The following UQCC2 variants were observed in gnomAD, a reference collection of about 807,000 sequenced individuals.
UQCC2 encodes the protein breast cancer-associated protein SGA-81M.
UQCC2 carries 21 observed loss-of-function variants against 19.9 expected under a neutral mutation model. That is an observed-to-expected ratio of 1.05 (90% CI 0.75 to 1.52). The LOEUF (loss-of-function observed/expected upper bound fraction) is 1.52. Among genes scored for constraint, UQCC2 ranks in the 40% most tolerant of loss-of-function variants. UQCC2 has a pLI of 0.00. For missense variants in UQCC2, 135 were observed against 157.5 expected (o/e 0.86, Z 0.76); for synonymous variants, 57 against 60.9 (o/e 0.94, Z 0.30).
rs567019789 is a variant in UQCC2 at position 33,711,406 on chromosome 6, T to G, written c.138+143A>C. ...ACGGGCGTCGCTATCAGTAGCTCCC[T>G]GGGGGAAAAAGGGGGTCCGCGCTCA... On this transcript the variant is annotated intron_variant, in intron 1 of 3. Transcript: ENST00000607484. The G allele has an allele frequency of 1.6e-5, 20 of 1,243,758 alleles. 1 individual carries two copies. Among genetic ancestry groups the G allele is most frequent in the East Asian group, 8.1e-5 (3 of 37,048 alleles). The allele number at this position is 1,243,758 out of a possible 1,614,324, so 77.0% of individuals were successfully genotyped here. A position where few individuals can be genotyped will look rare whatever the true frequency, so the allele number is the denominator to read the frequency against.
Position 33,702,472 on chromosome 6 carries a change from C to T in UQCC2, c.139-1052G>A, listed in dbSNP as rs186854351. Among the ~76,000 whole-genome samples the T allele has an allele frequency of 2.7e-3, 410 of 152,254 alleles. 2 individuals are homozygous for T. The highest frequency in any genetic ancestry group is 5.1e-3 in the Non-Finnish European group (344 of 68,024). On this transcript the variant is annotated intron_variant, in intron 1 of 3. Coordinates refer to ENST00000607484, the MANE Select transcript of UQCC2 (RefSeq NM_032340.4). ...AAACTGAGGAGAACCAAGCCAGGAC[C>T]ACAGTTAGGTCCTGCTAGAAAGGAG...
rs1765774659 is a variant in UQCC2, at chr6:33,711,653, G to A, written c.34C>T (p.Leu12Phe). The A allele has an allele frequency of 1.2e-6, 2 of 1,613,352 alleles. No homozygotes were observed. The highest frequency in any genetic ancestry group is 1.7e-6 in the Non-Finnish European group (2 of 1,179,794). The part of the protein sequence containing the change: ...AASRYRRFLK[L>F]CEEWPVDETK... ...TCGTCCACTGGCCATTCCTCACAGAGCTTAAGAAAACGCCGGTACCGGCTG... is the reference window on the plus strand; with the variant it reads ...TCGTCCACTGGCCATTCCTCACAGAACTTAAGAAAACGCCGGTACCGGCTG... Residue 12 changes from leucine to phenylalanine, a missense_variant, in exon 1 of 4, where the codon CTC becomes TTC. Leu to Phe is a conservative substitution (Grantham distance 22). Coordinates refer to ENST00000607484, the MANE Select transcript of UQCC2 (RefSeq NM_032340.4).
At chr6:33,707,913 AGTTACAT>A (rs1317490368) in intron 1 of UQCC2, among the ~76,000 whole-genome samples, 1 of 152,222 alleles carries the variant, frequency 6.6e-6, no homozygotes, top group African/African-American at 2.4e-5. Context: ...GTGTAAGAGG[AGTTACAT>A]GTGTTCCCGC....
chr6:33,699,515 C>T (rs1182508830), intron 3 of UQCC2, among the ~76,000 whole-genome samples: 1 of 151,970 alleles, frequency 6.6e-6, no homozygotes, highest in African/African-American at 2.4e-5. Flanking sequence ...TTACACGGAC[C>T]CAGGGATATA....
intron 3 of UQCC2, 83 bp downstream of exon 3, chr6:33,700,361 G>A (rs1765624662): frequency 1.3e-6 from 2 of 1,484,718 alleles, no homozygotes; most frequent in South Asian, 1.1e-5. Flanking sequence ...AAGCAAAACT[G>A]TCTTCTTAGA....
chr6:33,704,058 C>T lies in UQCC2; in HGVS notation c.139-2638G>A, dbSNP rs1419769412. On this transcript the variant is annotated intron_variant, in intron 1 of 3. Coordinates refer to ENST00000607484, the MANE Select transcript of UQCC2 (RefSeq NM_032340.4). ...AATATAATAATAGCCCCTACGTCCC[C>T]GGTGGTGTGAGGATAAATGAGGTGA... Among the ~76,000 whole-genome samples, 10 of 152,288 alleles carry T rather than the reference C, an allele frequency of 6.6e-5. No homozygotes were observed. The South Asian group carries it at 8.3e-4, about 13-fold the overall frequency.
intron 1 of UQCC2, among the ~76,000 whole-genome samples, chr6:33,708,263 G>T (rs1356660814): frequency 6.6e-6 from 1 of 152,196 alleles, no homozygotes; most frequent in Non-Finnish European, 1.5e-5. Context: ...ATAAGAGGTT[G>T]TTCTAACAAT....
chr6:33,700,398 G>C lies in UQCC2; in HGVS notation c.283+46C>G, dbSNP rs1007499283. 6 of 1,598,338 alleles carry C rather than the reference G, an allele frequency of 3.8e-6. No homozygotes were observed. The East Asian group carries it at 1.3e-4, about 36-fold the overall frequency. On this transcript the variant is annotated intron_variant, in intron 3 of 3. Coordinates refer to ENST00000607484, the MANE Select transcript of UQCC2 (RefSeq NM_032340.4). Reference sequence around the variant, plus strand: ...AATTCCCCTTGGCCACTCAAACTCAGAATCATTTGCAAACCAATGAGAAAA... The same window carrying C: ...AATTCCCCTTGGCCACTCAAACTCACAATCATTTGCAAACCAATGAGAAAA...
intron 1 of UQCC2, among the ~76,000 whole-genome samples, chr6:33,709,092 T>C (rs1185015006): frequency 6.6e-6 from 1 of 152,204 alleles, no homozygotes; most frequent in Non-Finnish European, 1.5e-5. Context: ...CTTTCCTCCT[T>C]TGCTGGCTCC....
intron 2 of UQCC2, 32 bp from the exon 3 acceptor site, chr6:33,700,545 AGG>A (rs1561889261): frequency 6.2e-7 from 1 of 1,610,250 alleles, no homozygotes; most frequent in Non-Finnish European, 8.5e-7. Context: ...AAGTGAAGGG[AGG>A]GGAGAGATCA....
In UQCC2 at chr6:33,697,694, TCTC is replaced by T. The variant is rs557873338; in HGVS notation, c.337_339del (p.Glu113del). Reference sequence around the variant, plus strand: ...TCCTCAGGACCCTTGGGGGCAAACTTCTCCTGCAGTTTCTTCCACATGCCTTTA... The same window carrying T: ...TCCTCAGGACCCTTGGGGGCAAACTTCTGCAGTTTCTTCCACATGCCTTTA... On this transcript the variant is annotated inframe_deletion, in exon 4 of 4. Transcript: ENST00000607484. The T allele has an allele frequency of 4.6e-5, 74 of 1,614,060 alleles. No homozygotes were observed. The South Asian group carries it at 6.6e-4, about 14-fold the overall frequency.
intron 1 of UQCC2, among the ~76,000 whole-genome samples, chr6:33,701,878 CAGCAGAAGGTCAGCA>C (rs200532228): frequency 0.015 from 2,274 of 150,798 alleles, 52 homozygotes; most frequent in African/African-American, 0.044. Flanking sequence ...GAAGGAAGCA[CAGCAGAAGGTCAGCA>C]AGCAGAAGGT....
Position 33,697,601 on chromosome 6 carries a change from G to T in UQCC2, c.*52C>A. 1 of 1,384,028 alleles carries T rather than the reference G, an allele frequency of 7.2e-7. No homozygotes were observed. 85.7% of individuals were successfully genotyped at this position (1,384,028 alleles called of 1,614,324 possible). A position where few individuals can be genotyped will look rare whatever the true frequency, so the allele number is the denominator to read the frequency against. On this transcript the variant is annotated 3_prime_UTR_variant, in exon 4 of 4. Coordinates refer to ENST00000607484, the MANE Select transcript of UQCC2 (RefSeq NM_032340.4). ...AAACTGGGGCAGTTTTATTGACGAT[G>T]GCAATGTACAAGACTCCACACCTAG...
At chr6:33,708,289 C>T (rs1424825237) in intron 1 of UQCC2, among the ~76,000 whole-genome samples, 1 of 152,228 alleles carries the variant, frequency 6.6e-6, no homozygotes, top group Non-Finnish European at 1.5e-5. Flanking sequence ...GGAACAGCAG[C>T]TGAGGAAAGG....
chr6:33,710,073 T>C (rs1765747948), intron 1 of UQCC2, among the ~76,000 whole-genome samples: 3 of 152,300 alleles, frequency 2.0e-5, no homozygotes, highest in South Asian at 4.1e-4. Flanking sequence ...CTAGGTGCTA[T>C]CTTTGGTTCC....
rs762061308 is a variant in UQCC2, at chr6:33,701,405, C to A, written c.154G>T (p.Ala52Ser). ...GENTQVAEPE[A>S]CDQMYESLAR... ...AAGCTCTCGTACATCTGATCACAGG[C>A]CTCAGGCTCTGCAACCTGAAAAGCA... The change falls in exon 2 of 4, where the codon GCC (alanine) becomes TCC (serine). Residue 52 changes from alanine (A) to serine (S), a missense_variant. By Grantham distance (99) the Ala-to-Ser change is moderately conservative. Coordinates refer to ENST00000607484, the MANE Select transcript of UQCC2 (RefSeq NM_032340.4). The A allele has an allele frequency of 1.5e-5, 25 of 1,613,510 alleles. 1 individual carries two copies. Among genetic ancestry groups the A allele is most frequent in the South Asian group, 4.4e-5 (4 of 90,904 alleles).
chr6:33,700,382 T>C (rs1765624941), intron 3 of UQCC2, 62 bp downstream of exon 3: 8 of 1,570,274 alleles, frequency 5.1e-6, no homozygotes, highest in South Asian at 1.1e-5. Context: ...CAATTCCCCT[T>C]GGCCACTCAA....
At chr6:33,703,721 A>G (rs572858673) in intron 1 of UQCC2, among the ~76,000 whole-genome samples, 22 of 152,164 alleles carry the variant, frequency 1.4e-4, no homozygotes, top group Non-Finnish European at 2.9e-4. Flanking sequence ...TAGGAGCATA[A>G]TGCCCCTTCA....
Position 33,697,630 on chromosome 6 carries a change from TG to T in UQCC2, c.*22del, listed in dbSNP as rs753938381. 103 of 1,567,316 alleles carry T rather than the reference TG, an allele frequency of 6.6e-5. No homozygotes were observed. The highest frequency in any genetic ancestry group is 8.8e-5 in the Non-Finnish European group (101 of 1,149,102). ...ATGTACAAGACTCCACACCTAGGTA[TG>T]TGCACGAGGTAAGGCCTGAGCTCAG... On this transcript the variant is annotated 3_prime_UTR_variant, in exon 4 of 4. Transcript: ENST00000607484.
Sources: allele counts gnomAD v4.1 joint callset (sites outside exome capture counted in the v4.1 genomes callset), GRCh38; gene constraint gnomAD v4.1.1; transcripts MANE v1.5; gene names NCBI Gene and HGNC (gene_info 2026-07-23, HGNC 2026-07-21).